HACE1: variants seen among roughly 807,000 people sequenced by gnomAD.
The protein encoded by HACE1 is E3 ubiquitin-protein ligase HACE1.
HACE1 carries 73 observed loss-of-function variants against 118.4 expected under a neutral mutation model. The observed-to-expected ratio is 0.62, with a 90% confidence interval of 0.51 to 0.75. The LOEUF (loss-of-function observed/expected upper bound fraction) is 0.75, where lower values mean the gene tolerates loss of function less well. HACE1 is among the 30% of genes least tolerant of loss of function. HACE1 has a pLI of 0.00. For synonymous variants in HACE1, 368 were observed against 374.8 expected, an observed-to-expected ratio of 0.98 and a Z score of 0.21; for missense variants, 749 against 1,102.2, an observed-to-expected ratio of 0.68 and a Z score of 4.54.
At chr6:104,808,772 A>G (rs1188791208) in intron 7 of HACE1, among the ~76,000 whole-genome samples, 1 of 152,170 alleles carries the variant, frequency 6.6e-6, no homozygotes, top group Non-Finnish European at 1.5e-5. Flanking sequence ...AATAACTTAT[A>G]TTTTTAATTT....
chr6:104,768,657 A>C (rs892087311), intron 19 of HACE1, among the ~76,000 whole-genome samples: 13 of 152,140 alleles, frequency 8.5e-5, no homozygotes, highest in South Asian at 2.1e-4. Flanking sequence ...GAAAGCTGAG[A>C]ATGTATAACA....
chr6:104,809,323 G>C (rs1771351042), intron 7 of HACE1, among the ~76,000 whole-genome samples: 1 of 152,146 alleles, frequency 6.6e-6, no homozygotes, highest in Non-Finnish European at 1.5e-5. Context: ...TCAAAAATCT[G>C]GGGAACGACC....
intron 20 of HACE1, among the ~76,000 whole-genome samples, chr6:104,749,053 A>G (rs549689664): frequency 5.3e-5 from 8 of 152,330 alleles, no homozygotes; most frequent in African/African-American, 1.9e-4. Context: ...AAAGTTTTAT[A>G]AACTTATTGA....
Position 104,751,886 on chromosome 6 carries a change from CCTTT to C in HACE1, c.2212-1418_2212-1415del, listed in dbSNP as rs1268184370. On this transcript the variant is annotated intron_variant, in intron 19 of 23. Coordinates refer to ENST00000262903, the MANE Select transcript of HACE1 (RefSeq NM_020771.4). Reference sequence around the variant, plus strand: ...GAAGAAACTCTGTTTTAGCCCTCTTCCTTTATTTTTCTTTTTTTGGCACTAATCT... The same window carrying C: ...GAAGAAACTCTGTTTTAGCCCTCTTCATTTTTCTTTTTTTGGCACTAATCT... Among the ~76,000 whole-genome samples, 11 of 141,176 alleles carry C rather than the reference CCTTT, an allele frequency of 7.8e-5. No individual in the cohort carries two copies. The East Asian group carries it at 8.3e-4, about 11-fold the overall frequency. The allele number at this position is 141,176 out of a possible 152,430, so 92.6% of individuals were successfully genotyped here.
chr6:104,756,499 T>C (rs1207269977), intron 19 of HACE1, among the ~76,000 whole-genome samples: 1 of 151,420 alleles, frequency 6.6e-6, no homozygotes, highest in Non-Finnish European at 1.5e-5. Flanking sequence ...TAAGAATTGA[T>C]AGTCTGATAA....
At chr6:104,732,502 C>T (rs1048263599) in intron 22 of HACE1, 3 of 151,972 alleles carry the variant, frequency 2.0e-5, no homozygotes, top group South Asian at 2.1e-4. Context: ...TAGTCAAATT[C>T]GTAGACATAA....
At chr6:104,740,428 A>G (rs961544696) in intron 22 of HACE1, among the ~76,000 whole-genome samples, 2 of 152,168 alleles carry the variant, frequency 1.3e-5, no homozygotes, top group South Asian at 4.2e-4. Flanking sequence ...TAGCAAGACT[A>G]AAAAAGAGAG....
intron 19 of HACE1, chr6:104,766,888 C>T (rs1780071208): frequency 6.6e-6 from 1 of 152,210 alleles, no homozygotes; most frequent in African/African-American, 2.4e-5. Flanking sequence ...GGCCCCTGCA[C>T]AAGCAGGCTT....
intron 17 of HACE1, 91 bp downstream of exon 17, chr6:104,776,650 G>T (rs1016341565): frequency 2.4e-6 from 2 of 823,534 alleles, no homozygotes; most frequent in Non-Finnish European, 4.3e-6. Flanking sequence ...TAGCTCACAG[G>T]TCTGCTGTGG....
intron 19 of HACE1, among the ~76,000 whole-genome samples, chr6:104,764,880 A>C (rs550822986): frequency 3.7e-4 from 56 of 152,330 alleles, no homozygotes; most frequent in African/African-American, 1.3e-3. Context: ...CACTGAACAT[A>C]GTTGCAGGCC....
chr6:104,834,033 T>A (rs1774278997), intron 5 of HACE1, among the ~76,000 whole-genome samples: 1 of 152,010 alleles, frequency 6.6e-6, no homozygotes, highest in Non-Finnish European at 1.5e-5. Flanking sequence ...GGTCCTAGCT[T>A]CTCAGGATGC....
At chr6:104,788,604 T>C (rs1782683829) in intron 11 of HACE1, among the ~76,000 whole-genome samples, 1 of 152,132 alleles carries the variant, frequency 6.6e-6, no homozygotes, top group Non-Finnish European at 1.5e-5. Context: ...AGTTTCACAA[T>C]CTTTCTTGGT....
At chr6:104,733,110 T>A (rs1775390340) in intron 22 of HACE1, among the ~76,000 whole-genome samples, 1 of 152,198 alleles carries the variant, frequency 6.6e-6, no homozygotes, top group Non-Finnish European at 1.5e-5. Context: ...AAAAATCAAG[T>A]CGTTCTGAAT....
intron 14 of HACE1, among the ~76,000 whole-genome samples, chr6:104,783,509 G>A (rs1781975086): frequency 6.6e-6 from 1 of 152,184 alleles, no homozygotes; most frequent in Non-Finnish European, 1.5e-5. Flanking sequence ...TGTAGATGAA[G>A]AAACCAAGGG....
At chr6:104,784,339 T>C (rs1782106551) in intron 13 of HACE1, 78 bp downstream of exon 13, 1 of 999,868 alleles carries the variant, frequency 1.0e-6, no homozygotes, top group African/African-American at 1.6e-5. Flanking sequence ...CGAGAAATAG[T>C]ATTTTTTCTG....
In HACE1 at chr6:104,771,978, T is replaced by G. The variant is rs1780661560; in HGVS notation, c.1961A>C (p.His654Pro). 1 of 1,608,754 alleles carries G rather than the reference T, an allele frequency of 6.2e-7. No individual in the cohort carries two copies. Among genetic ancestry groups the G allele is most frequent in the Non-Finnish European group, 8.5e-7 (1 of 1,175,248 alleles). The change falls in exon 18 of 24, where the codon CAC becomes CCC. Residue 654 changes from histidine to proline, a missense_variant. His to Pro is a moderately conservative substitution (Grantham distance 77). This residue lies in a region of HACE1 where 195 missense variants were observed against 322.1 expected (regional missense o/e 0.61). Coordinates refer to ENST00000262903, the MANE Select transcript of HACE1 (RefSeq NM_020771.4). The stretch of plus-strand genomic sequence containing the variant: ...GAAGTAAATATTGACCAGCTGCCTG[T>G]GGTTCAACGCTAATCCCAAGATCTG... ...AGQILGLALNHRQLVNIYFTR... is the reference protein window; with the variant it reads ...AGQILGLALNPRQLVNIYFTR...
chr6:104,764,295 C>T (rs1408239681), intron 19 of HACE1, among the ~76,000 whole-genome samples: 1 of 152,108 alleles, frequency 6.6e-6, no homozygotes, highest in African/African-American at 2.4e-5. Context: ...CCAGACTGGT[C>T]TGAAACTCCT....
In HACE1 at chr6:104,744,168, A is replaced by G; in HGVS notation, c.2505T>C (p.Val835=). ...QEERVLLLQF[V]TGSSRVPHGG... ...ATAAAAATACTGCTTACCTGCCCGT[A>G]ACAAACTGTAAGAGAAGAACTCTCT... The change falls in exon 22 of 24, where the codon GTT becomes GTC. Residue 835 remains valine, a synonymous_variant. Transcript: ENST00000262903. The G allele has an allele frequency of 6.3e-7, 1 of 1,583,532 alleles. No homozygotes were observed. The highest frequency in any genetic ancestry group is 8.7e-7 in the Non-Finnish European group (1 of 1,152,222).
At chr6:104,793,546 T>C (rs1363343807) in intron 10 of HACE1, among the ~76,000 whole-genome samples, 3 of 152,200 alleles carry the variant, frequency 2.0e-5, no homozygotes, top group East Asian at 1.9e-4. Context: ...AGTTAGATAA[T>C]AGGCTACAAA....
Sources: gnomAD v4.1 joint callset for allele counts (sites outside exome capture counted in the v4.1 genomes callset) on GRCh38, gnomAD v4.1.1 for gene constraint, gnomAD v4.1.1 regional missense constraint, MANE v1.5 for transcripts, NCBI Gene and HGNC (gene_info 2026-07-23, HGNC 2026-07-21) for gene names.